CAMTA1: variants seen among roughly 807,000 people sequenced by gnomAD.
The protein encoded by CAMTA1 is calmodulin binding transcription activator 1.
CAMTA1 carries 27 observed loss-of-function variants against 170.9 expected under a neutral mutation model. The observed-to-expected ratio is 0.16, with a 90% CI of 0.12 to 0.22. The LOEUF (loss-of-function observed/expected upper bound fraction) is 0.22. Ranked by LOEUF, CAMTA1 falls within the 10% of genes least tolerant of loss-of-function variation. CAMTA1 has a pLI of 1.00. For synonymous variants in CAMTA1, 833 were observed against 891.5 expected (o/e 0.93, Z 1.17); for missense variants, 1,619 against 2,217.2 (o/e 0.73, Z 5.42).
chr1:7,632,040 C>T (rs1173986876), intron 6 of CAMTA1, among the ~76,000 whole-genome samples: 1 of 152,178 alleles, frequency 6.6e-6, no homozygotes. Context: ...CGCCCAGTGC[C>T]GCCCTCTATC....
chr1:6,864,634 C>T (rs1331426622), intron 3 of CAMTA1, among the ~76,000 whole-genome samples: 1 of 152,176 alleles, frequency 6.6e-6, no homozygotes, highest in East Asian at 1.9e-4. Flanking sequence ...CTCCCTTAGA[C>T]ATGTCGTTGC....
intron 3 of CAMTA1, among the ~76,000 whole-genome samples, chr1:6,909,937 G>A (rs1270575147): frequency 6.6e-6 from 1 of 152,238 alleles, no homozygotes; most frequent in African/African-American, 2.4e-5. Context: ...ACTTAGGCTG[G>A]TTGCCCCAAG....
At chr1:7,209,433 G>T (rs1658358763) in intron 4 of CAMTA1, among the ~76,000 whole-genome samples, 1 of 152,170 alleles carries the variant, frequency 6.6e-6, no homozygotes, top group Admixed American at 6.5e-5. Context: ...CATATCTGAG[G>T]CTGTGTGAGT....
At chr1:7,601,302 G>C (rs926410415) in intron 6 of CAMTA1, among the ~76,000 whole-genome samples, 2 of 152,058 alleles carry the variant, frequency 1.3e-5, no homozygotes, top group African/African-American at 4.8e-5. Flanking sequence ...TCACTTCTCA[G>C]ACGGTGCGGC....
intron 11 of CAMTA1, among the ~76,000 whole-genome samples, chr1:7,725,288 CA>C (rs1443613902): frequency 6.6e-6 from 1 of 152,194 alleles, no homozygotes; most frequent in African/African-American, 2.4e-5. Context: ...CGGAGACAGA[CA>C]CCTGGAAAGA....
chr1:7,622,190 C>T (rs2095603559), intron 6 of CAMTA1, among the ~76,000 whole-genome samples: 1 of 152,222 alleles, frequency 6.6e-6, no homozygotes, highest in Non-Finnish European at 1.5e-5. Context: ...TGGGTGCCCT[C>T]CATTACACTT....
chr1:7,485,432 G>A (rs1169253835), intron 6 of CAMTA1, among the ~76,000 whole-genome samples: 1 of 152,224 alleles, frequency 6.6e-6, no homozygotes, highest in Non-Finnish European at 1.5e-5. Flanking sequence ...GCTGGGGAAG[G>A]TGAAAGGGTT....
intron 3 of CAMTA1, among the ~76,000 whole-genome samples, chr1:6,875,566 T>C (rs1318902996): frequency 1.3e-5 from 2 of 152,180 alleles, no homozygotes; most frequent in African/African-American, 2.4e-5. Flanking sequence ...ATTATTGGTG[T>C]GAGCCACTGT....
chr1:7,082,429 C>T (rs1640137854), intron 3 of CAMTA1, among the ~76,000 whole-genome samples: 1 of 144,254 alleles, frequency 6.9e-6, no homozygotes, highest in South Asian at 2.3e-4. Flanking sequence ...CGGAGCAAGA[C>T]TGCATCTCGA....
intron 3 of CAMTA1, among the ~76,000 whole-genome samples, chr1:6,921,160 C>G (rs1190207939): frequency 6.6e-6 from 1 of 152,222 alleles, no homozygotes; most frequent in Non-Finnish European, 1.5e-5. Context: ...GAATGTTTTA[C>G]TGCTTAGAAA....
rs113439901 is a variant in CAMTA1 at position 7,077,224 on chromosome 1, G to GTTT, written c.235-14062_235-14060dup. 2.6e-3 allele frequency among the ~76,000 whole-genome samples: 307 copies of GTTT among 118,568 alleles called. 2 individuals carry two copies. The highest frequency in any genetic ancestry group is 7.5e-3 in the African/African-American group (238 of 31,858). 77.8% of individuals were successfully genotyped at this position (118,568 alleles called of 152,430 possible). ...AGGCAGTTCTGGAATTTAAGGAAAG[G>GTTT]TTTTTTTTTTTTTTTTTTTTGGATC... is the stretch of plus-strand genomic sequence containing the variant. On this transcript the variant is annotated intron_variant, in intron 3 of 22. Transcript: ENST00000303635.
chr1:6,831,133 T>C (rs1451943972), intron 3 of CAMTA1, among the ~76,000 whole-genome samples: 1 of 152,176 alleles, frequency 6.6e-6, no homozygotes, highest in Non-Finnish European at 1.5e-5. Context: ...GTTTTGATTC[T>C]TAATGACTAT....
chr1:7,664,378 A>G lies in CAMTA1; in HGVS notation c.1831A>G (p.Thr611Ala). ...QTGHSPHIHQ[T>A]PSPSFFLQDA... The stretch of plus-strand genomic sequence containing the variant: ...GGGCCACAGCCCCCACATCCACCAG[A>G]CCCCCTCCCCGAGCTTCTTCCTGCA... Residue 611 changes from threonine (T) to alanine (A), a missense_variant, in exon 9 of 23, where the codon ACC becomes GCC. Thr to Ala is a moderately conservative substitution (Grantham distance 58). This residue lies in a region of CAMTA1 where 731 missense variants were observed against 907.6 expected (regional missense o/e 0.81). Coordinates refer to ENST00000303635, the MANE Select transcript of CAMTA1 (RefSeq NM_015215.4). 6.2e-7 allele frequency: 1 copy of G among 1,611,890 alleles called. No individual in the cohort carries two copies. The highest frequency in any genetic ancestry group is 8.5e-7 in the Non-Finnish European group (1 of 1,179,574).
chr1:7,338,477 G>A (rs1231013084), intron 5 of CAMTA1, among the ~76,000 whole-genome samples: 1 of 152,166 alleles, frequency 6.6e-6, no homozygotes, highest in Non-Finnish European at 1.5e-5. Flanking sequence ...CGCAGGAATG[G>A]ACTCCTTGTG....
At chr1:6,999,462 C>T (rs1330050804) in intron 3 of CAMTA1, among the ~76,000 whole-genome samples, 1 of 152,164 alleles carries the variant, frequency 6.6e-6, no homozygotes, top group African/African-American at 2.4e-5. Flanking sequence ...TGGCTCACTG[C>T]AACCTCTGCC....
At chr1:7,708,608 C>T (rs907863374) in intron 11 of CAMTA1, among the ~76,000 whole-genome samples, 4 of 152,156 alleles carry the variant, frequency 2.6e-5, no homozygotes, top group Admixed American at 1.3e-4. Flanking sequence ...TATAAAGTAT[C>T]GTGATCCCTG....
intron 2 of CAMTA1, among the ~76,000 whole-genome samples, chr1:6,821,837 T>C (rs1242952643): frequency 6.6e-6 from 1 of 152,184 alleles, no homozygotes; most frequent in African/African-American, 2.4e-5. Flanking sequence ...AAAACAGTAA[T>C]TCTGCTTTTT....
At chr1:7,253,880 A>G (rs533508952) in intron 5 of CAMTA1, among the ~76,000 whole-genome samples, 43 of 152,238 alleles carry the variant, frequency 2.8e-4, no homozygotes, top group Admixed American at 2.3e-3. Flanking sequence ...GAGGCTTTCT[A>G]TCCACCTAGT....
intron 5 of CAMTA1, among the ~76,000 whole-genome samples, chr1:7,415,964 A>G (rs1424005870): frequency 2.0e-5 from 3 of 152,156 alleles, no homozygotes; most frequent in Admixed American, 6.5e-5. Context: ...GGCGGTGACA[A>G]AATCTCTCAG....
Sources: gnomAD v4.1 joint callset for allele counts (sites outside exome capture counted in the v4.1 genomes callset) on GRCh38, gnomAD v4.1.1 for gene constraint, gnomAD v4.1.1 regional missense constraint, MANE v1.5 for transcripts, NCBI Gene and HGNC (gene_info 2026-07-23, HGNC 2026-07-21) for gene names.